Variants in NRXN1 observed in about 807,000 individuals in gnomAD.
NRXN1 encodes neurexin-1.
A neutral mutation model predicts 150.9 loss-of-function variants in NRXN1; 39 were observed. The ratio of observed to expected loss-of-function variants is 0.26; its 90% CI spans 0.20 to 0.34. The LOEUF (loss-of-function observed/expected upper bound fraction) is 0.34, where lower values mean the gene tolerates loss of function less well. Ranked by LOEUF, NRXN1 falls within the 10% of genes least tolerant of loss-of-function variation. NRXN1 has a pLI of 1.00. For synonymous variants in NRXN1, 924 were observed against 757.0 expected (o/e 1.22, Z -3.62); for missense variants, 1,815 against 1,949.9 (o/e 0.93, Z 1.30).
At position 49,952,911 on chromosome 2, in the gene NRXN1, T is replaced by A. The variant is rs550583167; in HGVS notation, c.4129-9120A>T. ...GGAATAAATACATGGAAGTGATCAT[T>A]TATTAGCCATATTGGTAGTTTCTCC... On this transcript the variant is annotated intron_variant, in intron 21 of 22. Transcript: ENST00000401669. 7.2e-5 allele frequency among the ~76,000 whole-genome samples: 11 copies of A among 152,264 alleles called. No individual in the cohort carries two copies. The East Asian group carries it at 2.1e-3, about 29-fold the overall frequency.
At chr2:51,025,585 C>T (rs994723721) in intron 2 of NRXN1, among the ~76,000 whole-genome samples, 4 of 151,986 alleles carry the variant, frequency 2.6e-5, no homozygotes, top group East Asian at 1.9e-4. Context: ...ATTAAATTGC[C>T]TTCTCTGTAT....
At chr2:49,984,718 AACACACACACACACACACAC>A (rs149322054) in intron 21 of NRXN1, among the ~76,000 whole-genome samples, 3 of 146,844 alleles carry the variant, frequency 2.0e-5, no homozygotes, top group African/African-American at 7.5e-5. Flanking sequence ...AGAACACACA[AACACACACACACACACACAC>A]ACACACACAC....
intron 8 of NRXN1, chr2:50,554,594 T>C (rs1667967994): frequency 6.6e-6 from 1 of 152,176 alleles, no homozygotes; most frequent in Non-Finnish European, 1.5e-5. Flanking sequence ...GCCAATCACA[T>C]TGTAAGATTT....
chr2:50,996,887 G>C (rs1010525341), intron 2 of NRXN1, among the ~76,000 whole-genome samples: 1 of 152,024 alleles, frequency 6.6e-6, no homozygotes. Flanking sequence ...AAACTCGTGA[G>C]GGGGGAGTAA....
At chr2:50,156,944 A>G (rs545372072) in intron 18 of NRXN1, among the ~76,000 whole-genome samples, 2 of 152,172 alleles carry the variant, frequency 1.3e-5, no homozygotes, top group East Asian at 3.9e-4. Context: ...AACAATAACA[A>G]CTAATATTTT....
intron 17 of NRXN1, among the ~76,000 whole-genome samples, chr2:50,461,145 G>A (rs2088162206): frequency 6.6e-6 from 1 of 151,988 alleles, no homozygotes; most frequent in African/African-American, 2.4e-5. Flanking sequence ...TAAATGTCAT[G>A]GTAAAAAGTC....
intron 10 of NRXN1, among the ~76,000 whole-genome samples, chr2:50,535,585 GA>G (rs1159732524): frequency 6.6e-6 from 1 of 152,136 alleles, no homozygotes; most frequent in East Asian, 1.9e-4. Context: ...ATTTTTATAT[GA>G]TCAAGTCTCC....
At chr2:50,813,102 G>A (rs1668454164) in intron 5 of NRXN1, among the ~76,000 whole-genome samples, 1 of 152,014 alleles carries the variant, frequency 6.6e-6, no homozygotes, top group South Asian at 2.1e-4. Flanking sequence ...GCTGAGTCGG[G>A]AGGATGGCTT....
intron 5 of NRXN1, among the ~76,000 whole-genome samples, chr2:50,904,988 CATTT>C (rs1308598106): frequency 6.6e-6 from 1 of 152,072 alleles, no homozygotes; most frequent in Non-Finnish European, 1.5e-5. Flanking sequence ...TTCATTCATT[CATTT>C]TTTTTATTAT....
chr2:50,169,421 A>C (rs1333000939), intron 18 of NRXN1, among the ~76,000 whole-genome samples: 1 of 152,130 alleles, frequency 6.6e-6, no homozygotes, highest in Non-Finnish European at 1.5e-5. Context: ...AAAAAAATAT[A>C]TGGATGAGGT....
intron 17 of NRXN1, among the ~76,000 whole-genome samples, chr2:50,307,284 T>C (rs1416518451): frequency 6.6e-6 from 1 of 152,074 alleles, no homozygotes; most frequent in Non-Finnish European, 1.5e-5. Flanking sequence ...ACCCGGCCTC[T>C]TCCTTTTATT....
chr2:50,178,569 A>G (rs546910224), intron 18 of NRXN1, among the ~76,000 whole-genome samples: 1 of 152,164 alleles, frequency 6.6e-6, no homozygotes, highest in African/African-American at 2.4e-5. Flanking sequence ...ACAGGGTTCA[A>G]AGGGAATGCA....
At chr2:50,526,211 CTT>C in intron 12 of NRXN1, among the ~76,000 whole-genome samples, 1 of 152,066 alleles carries the variant, frequency 6.6e-6, no homozygotes, top group East Asian at 1.9e-4. Flanking sequence ...AACGTAATAA[CTT>C]AGAGTTTAAT....
chr2:50,510,258 C>T (rs901054147), intron 12 of NRXN1, among the ~76,000 whole-genome samples: 6 of 151,794 alleles, frequency 4.0e-5, no homozygotes, highest in Admixed American at 6.6e-5. Context: ...GAAGTTGAGG[C>T]GGGAGAATCA....
At chr2:50,611,242 C>G (rs977780792) in intron 8 of NRXN1, among the ~76,000 whole-genome samples, 2 of 151,990 alleles carry the variant, frequency 1.3e-5, no homozygotes, top group Non-Finnish European at 2.9e-5. Flanking sequence ...ATCAAGTCCT[C>G]AGAATTAAAA....
rs1177049909 is a variant in NRXN1, at chr2:50,925,937, C to G, written c.790+1G>C. 6.4e-7 allele frequency: 1 copy of G among 1,573,616 alleles called. No individual in the cohort carries two copies. Among genetic ancestry groups the G allele is most frequent in the South Asian group, 1.2e-5 (1 of 85,542 alleles). ...GGAAAAATAAGGTAGAAAGCACCCACCTTCCACATTGTTGTCTTCTGAAAG... is the reference window on the plus strand; with the variant it reads ...GGAAAAATAAGGTAGAAAGCACCCAGCTTCCACATTGTTGTCTTCTGAAAG... On this transcript the variant is annotated splice_donor_variant, in intron 3 of 22. Coordinates refer to ENST00000401669, the MANE Select transcript of NRXN1 (RefSeq NM_001330078.2). LOFTEE classifies it high-confidence loss of function.
intron 15 of NRXN1, among the ~76,000 whole-genome samples, chr2:50,487,749 C>A (rs2090979797): frequency 6.6e-6 from 1 of 152,210 alleles, no homozygotes; most frequent in Non-Finnish European, 1.5e-5. Context: ...ATGATAGTGA[C>A]ATTCCCTTTT....
intron 13 of NRXN1, among the ~76,000 whole-genome samples, chr2:50,503,698 G>T (rs943610807): frequency 6.6e-6 from 1 of 152,152 alleles, no homozygotes; most frequent in East Asian, 1.9e-4. Context: ...AACTCTCAGA[G>T]TAAAGATTGA....
chr2:50,154,527 A>G (rs563250131), intron 18 of NRXN1, among the ~76,000 whole-genome samples: 8 of 151,798 alleles, frequency 5.3e-5, no homozygotes, highest in Admixed American at 4.0e-4. Context: ...TTGACCATCT[A>G]TTGTTAAAAA....
Sources: allele counts gnomAD v4.1 joint callset (sites outside exome capture counted in the v4.1 genomes callset), GRCh38; gene constraint gnomAD v4.1.1; transcripts MANE v1.5; gene names NCBI Gene and HGNC (gene_info 2026-07-23, HGNC 2026-07-21).